ZNF700: variants seen among roughly 807,000 people sequenced by gnomAD.
ZNF700 encodes the protein zinc finger protein 700.
In ZNF700, 38 loss-of-function variants were observed where a neutral mutation model predicts 65.3. That is an observed-to-expected ratio of 0.58 (90% CI 0.45 to 0.76). The LOEUF is 0.76. Ranked by LOEUF, ZNF700 falls within the 30% of genes least tolerant of loss-of-function variation. ZNF700 has a pLI of 0.00. For missense variants in ZNF700, 857 were observed against 888.4 expected (o/e 0.96, Z 0.45); for synonymous variants, 285 against 290.4 (o/e 0.98, Z 0.19).
At chr19:11,939,626 A>G (rs1214667763) in intron 1 of ZNF700, among the ~76,000 whole-genome samples, 2 of 152,024 alleles carry the variant, frequency 1.3e-5, no homozygotes, top group Non-Finnish European at 2.9e-5. Context: ...GCGCCTGGCT[A>G]ATTTTTGTAT....
intron 1 of ZNF700, among the ~76,000 whole-genome samples, chr19:11,931,751 A>T (rs1411038293): frequency 6.8e-6 from 1 of 148,020 alleles, no homozygotes; most frequent in African/African-American, 2.6e-5. Flanking sequence ...GATGTTTTTC[A>T]GTATAAACTT....
chr19:11,947,469 A>G, intron 2 of ZNF700, 45 bp from the exon 3 acceptor site: 1 of 1,603,458 alleles, frequency 6.2e-7, no homozygotes, highest in South Asian at 1.1e-5. Context: ...ATTTTTTCAC[A>G]ATTTTATACT....
At chr19:11,926,287 A>G (rs1420671968) in intron 1 of ZNF700, among the ~76,000 whole-genome samples, 1 of 152,210 alleles carries the variant, frequency 6.6e-6, no homozygotes, top group Non-Finnish European at 1.5e-5. Context: ...AGAGGGTATA[A>G]GGAGACCTGT....
At position 11,950,490 on chromosome 19, in the gene ZNF700, G is replaced by T; in HGVS notation, c.*237G>T. ...AACCCTATGAGTGTATTCTAGTTCCGTTTGATATCATGAAAGGACTTACAC... is the reference window on the plus strand; with the variant it reads ...AACCCTATGAGTGTATTCTAGTTCCTTTTGATATCATGAAAGGACTTACAC... On this transcript the variant is annotated 3_prime_UTR_variant, in exon 4 of 4. Transcript: ENST00000254321. 1 of 631,926 alleles carries T rather than the reference G, an allele frequency of 1.6e-6. No homozygotes were observed. Among genetic ancestry groups the T allele is most frequent in the South Asian group, 1.7e-5 (1 of 58,040 alleles). The allele number at this position is 631,926 out of a possible 1,614,324, so 39.1% of individuals were successfully genotyped here.
rs1450837546 is a variant in ZNF700, at chr19:11,931,673, A to G, written c.63+6400A>G. On this transcript the variant is annotated intron_variant, in intron 1 of 3. Coordinates refer to ENST00000254321, the MANE Select transcript of ZNF700 (RefSeq NM_144566.3). ...ACTGTAGGCATATTTCAGAGAGGTT[A>G]CATCATAGTGATACTTAATCTCCTT... is the stretch of plus-strand genomic sequence containing the variant. 1.3e-5 allele frequency among the ~76,000 whole-genome samples: 2 copies of G among 148,598 alleles called. 1 individual carries two copies. Among genetic ancestry groups the G allele is most frequent in the African/African-American group, 5.2e-5 (2 of 38,178 alleles).
At position 11,950,496 on chromosome 19, in the gene ZNF700, T is replaced by A; in HGVS notation, c.*243T>A. The A allele has an allele frequency of 1.6e-6, 1 of 635,210 alleles. No individual in the cohort carries two copies. The highest frequency in any genetic ancestry group is 2.9e-6 in the Non-Finnish European group (1 of 344,656). 39.3% of individuals were successfully genotyped at this position (635,210 alleles called of 1,614,324 possible). A position where few individuals can be genotyped will look rare whatever the true frequency, so the allele number is the denominator to read the frequency against. On this transcript the variant is annotated 3_prime_UTR_variant, in exon 4 of 4. Transcript: ENST00000254321. ...ATGAGTGTATTCTAGTTCCGTTTGA[T>A]ATCATGAAAGGACTTACACTGGAGT...
At chr19:11,944,794 C>T (rs180797880) in intron 1 of ZNF700, among the ~76,000 whole-genome samples, 1 of 152,350 alleles carries the variant, frequency 6.6e-6, no homozygotes, top group East Asian at 1.9e-4. Flanking sequence ...TAATACATCG[C>T]TGTGCCACTG....
At position 11,948,973 on chromosome 19, in the gene ZNF700, T is replaced by C; in HGVS notation, c.949T>C (p.Tyr317His). Reference sequence around the variant, plus strand: ...CAAAGAATGTGGAAAAGCATTTGCATATACCAGTTCTCTTCGTAGACATGA... The same window carrying C: ...CAAAGAATGTGGAAAAGCATTTGCACATACCAGTTCTCTTCGTAGACATGA... ...QCKECGKAFA[Y>H]TSSLRRHERT... The change falls in exon 4 of 4, where the codon TAT (tyrosine) becomes CAT (histidine). Residue 317 changes from tyrosine (Y) to histidine (H), a missense_variant. By Grantham distance (83) the Tyr-to-His change is moderately conservative (BLOSUM62 2). Around this residue, in one of 3 missense-constraint regions of ZNF700, gnomAD observed 603 missense variants for 619.9 expected, o/e 0.97. Coordinates refer to ENST00000254321, the MANE Select transcript of ZNF700 (RefSeq NM_144566.3). 1 of 1,608,844 alleles carries C rather than the reference T, an allele frequency of 6.2e-7. No individual in the cohort carries two copies. The highest frequency in any genetic ancestry group is 8.5e-7 in the Non-Finnish European group (1 of 1,178,894).
At chr19:11,942,257 C>G (rs1381160638) in intron 1 of ZNF700, among the ~76,000 whole-genome samples, 1 of 151,320 alleles carries the variant, frequency 6.6e-6, no homozygotes, top group African/African-American at 2.4e-5. Flanking sequence ...CTGCTCTTGG[C>G]TAGCTATCTG....
chr19:11,950,331 C>T lies in ZNF700; in HGVS notation c.*78C>T. The stretch of plus-strand genomic sequence containing the variant: ...AATGCAAGCAATGTGGCAAAACTTT[C>T]ACATTTTCCAGTTCTTTTCGATATC... On this transcript the variant is annotated 3_prime_UTR_variant, in exon 4 of 4. Coordinates refer to ENST00000254321, the MANE Select transcript of ZNF700 (RefSeq NM_144566.3). The T allele has an allele frequency of 6.9e-7, 1 of 1,441,004 alleles. No individual in the cohort carries two copies. The highest frequency in any genetic ancestry group is 9.6e-7 in the Non-Finnish European group (1 of 1,046,438). 89.3% of individuals were successfully genotyped at this position (1,441,004 alleles called of 1,614,324 possible).
chr19:11,947,427 G>T, intron 2 of ZNF700, 87 bp from the exon 3 acceptor site: 1 of 1,601,128 alleles, frequency 6.2e-7, no homozygotes, highest in South Asian at 1.1e-5. Context: ...ATGAGGCATG[G>T]CTGCAGTAAA....
At chr19:11,938,489 G>T (rs1477248969) in intron 1 of ZNF700, among the ~76,000 whole-genome samples, 2 of 152,030 alleles carry the variant, frequency 1.3e-5, no homozygotes, top group African/African-American at 2.4e-5. Context: ...GCGGTGTTTG[G>T]TTTTCTGTCC....
chr19:11,932,546 C>G (rs1228826132), intron 1 of ZNF700, among the ~76,000 whole-genome samples: 1 of 147,818 alleles, frequency 6.8e-6, no homozygotes, highest in East Asian at 1.9e-4. Context: ...CGATAACTGC[C>G]TTACTTTTCT....
rs1224105728 is a variant in ZNF700, at chr19:11,950,081, C to T, written c.2057C>T (p.Thr686Ile). Reference sequence around the variant, plus strand: ...TGTAAGCATTGTGGGAATGGATTCACATCTGCCAAGATTCTTCAAATACAT... The same window carrying T: ...TGTAAGCATTGTGGGAATGGATTCATATCTGCCAAGATTCTTCAAATACAT... ...YECKHCGNGF[T>I]SAKILQIHAR... The change falls in exon 4 of 4, where the codon ACA becomes ATA. Residue 686 changes from threonine (T) to isoleucine (I), a missense_variant. Thr to Ile is a moderately conservative substitution (Grantham distance 89). Around this residue, in one of 3 missense-constraint regions of ZNF700, gnomAD observed 251 missense variants for 250.3 expected, o/e 1.00. Transcript: ENST00000254321. 1.2e-6 allele frequency: 2 copies of T among 1,614,130 alleles called. No homozygotes were observed. Among genetic ancestry groups the T allele is most frequent in the Admixed American group, 1.7e-5 (1 of 60,020 alleles).
intron 1 of ZNF700, among the ~76,000 whole-genome samples, chr19:11,941,706 C>T (rs2145291910): frequency 6.6e-6 from 1 of 152,328 alleles, no homozygotes; most frequent in East Asian, 1.9e-4. Context: ...GCTGAGGGAG[C>T]CGGCTCCCGC....
chr19:11,947,713 T>C (rs1296883760), intron 3 of ZNF700, 139 bp downstream of exon 3: 10 of 894,180 alleles, frequency 1.1e-5, no homozygotes, highest in Non-Finnish European at 1.7e-5. Context: ...AAAAAACATA[T>C]ATTTAAACGT....
intron 1 of ZNF700, among the ~76,000 whole-genome samples, chr19:11,938,919 T>C (rs1972838001): frequency 6.6e-6 from 1 of 152,214 alleles, no homozygotes; most frequent in Non-Finnish European, 1.5e-5. Context: ...ATTGCCATTC[T>C]AACTGGTGTG....
rs1403056557 is a variant in ZNF700, at chr19:11,949,119, G to T, written c.1095G>T (p.Lys365Asn). 33 of 1,611,096 alleles carry T rather than the reference G, an allele frequency of 2.0e-5. No homozygotes were observed. Among genetic ancestry groups the T allele is most frequent in the Middle Eastern group, 1.7e-4 (1 of 6,042 alleles). The change falls in exon 4 of 4, where the codon AAG becomes AAT. Residue 365 changes from lysine (K) to asparagine (N), a missense_variant. By Grantham distance (94) the Lys-to-Asn change is moderately conservative (BLOSUM62 0). Coordinates refer to ENST00000254321, the MANE Select transcript of ZNF700 (RefSeq NM_144566.3). ...CTGGAGAAAGACCTTATAAATGTAA[G>T]ATATGTGGGAAAGGCTTTTATTCTG... is the stretch of plus-strand genomic sequence containing the variant. ...MNSGERPYKC[K>N]ICGKGFYSAK... is the part of the protein sequence containing the mutation.
At position 11,942,990 on chromosome 19, in the gene ZNF700, A is replaced by G. The variant is rs150443961; in HGVS notation, c.64-4191A>G. On this transcript the variant is annotated intron_variant, in intron 1 of 3. Coordinates refer to ENST00000254321, the MANE Select transcript of ZNF700 (RefSeq NM_144566.3). Reference sequence around the variant, plus strand: ...CTAGGTCTTCCTGCAAGACAGATCAATAGTGGTTAATGTAATACACTTGTG... The same window carrying G: ...CTAGGTCTTCCTGCAAGACAGATCAGTAGTGGTTAATGTAATACACTTGTG... Among the ~76,000 whole-genome samples the G allele has an allele frequency of 2.9e-3, 438 of 152,288 alleles. 4 individuals are homozygous for G. Among genetic ancestry groups the G allele is most frequent in the African/African-American group, 9.4e-3 (389 of 41,542 alleles).
Sources: gnomAD v4.1 joint callset for allele counts (sites outside exome capture counted in the v4.1 genomes callset) on GRCh38, gnomAD v4.1.1 for gene constraint, gnomAD v4.1.1 regional missense constraint, MANE v1.5 for transcripts, NCBI Gene and HGNC (gene_info 2026-07-23, HGNC 2026-07-21) for gene names.